The following GFRA1 variants were observed in gnomAD, a reference collection of about 807,000 sequenced individuals.
The protein encoded by GFRA1 is GDNF family receptor alpha-1.
In GFRA1, 16 loss-of-function variants were observed where a neutral mutation model predicts 51.6. The observed-to-expected ratio is 0.31, with a 90% CI of 0.21 to 0.47. The LOEUF is 0.47. Among genes scored for constraint, GFRA1 ranks in the 20% least tolerant of loss-of-function variants. GFRA1 has a pLI of 1.00. For missense variants in GFRA1, 530 were observed against 594.3 expected (o/e 0.89, Z 1.13); for synonymous variants, 270 against 241.3 (o/e 1.12, Z -1.10).
chr10:116,083,419 G>T (rs544659613), intron 9 of GFRA1, among the ~76,000 whole-genome samples: 1 of 152,298 alleles, frequency 6.6e-6, no homozygotes, highest in East Asian at 1.9e-4. Context: ...AAGATTAACG[G>T]GCCGCCAAAG....
At chr10:116,089,480 C>G (rs547533709) in intron 9 of GFRA1, among the ~76,000 whole-genome samples, 1 of 152,300 alleles carries the variant, frequency 6.6e-6, no homozygotes, top group South Asian at 2.1e-4. Flanking sequence ...CCAGAACCCT[C>G]ATTGTATAGG....
chr10:116,084,761 A>AACACACACACAC (rs5788130), intron 9 of GFRA1, among the ~76,000 whole-genome samples: 2 of 140,088 alleles, frequency 1.4e-5, no homozygotes, highest in Admixed American at 7.1e-5. Context: ...TTAAATAAGT[A>AACACACACACAC]ACACACACAC....
chr10:116,217,956 G>T (rs1025750834), intron 4 of GFRA1, among the ~76,000 whole-genome samples: 1 of 152,186 alleles, frequency 6.6e-6, no homozygotes. Flanking sequence ...AAGGAATCAT[G>T]AGAGGAAAAT....
intron 5 of GFRA1, among the ~76,000 whole-genome samples, chr10:116,209,346 T>C (rs1350798467): frequency 1.3e-5 from 2 of 152,158 alleles, no homozygotes; most frequent in Non-Finnish European, 1.5e-5. Context: ...CCTGCTTCCC[T>C]CTTCTGCCTG....
At chr10:116,065,852 AACGT>A (rs909237704) in intron 9 of GFRA1, among the ~76,000 whole-genome samples, 14 of 152,276 alleles carry the variant, frequency 9.2e-5, no homozygotes, top group Non-Finnish European at 1.6e-4. Flanking sequence ...ACCATTTCAA[AACGT>A]ACTCAATATT....
chr10:116,152,988 T>C (rs370228518), intron 5 of GFRA1, among the ~76,000 whole-genome samples: 1 of 152,292 alleles, frequency 6.6e-6, no homozygotes, highest in African/African-American at 2.4e-5. Context: ...ATAAACCTGA[T>C]CTTATTTAAT....
intron 5 of GFRA1, among the ~76,000 whole-genome samples, chr10:116,162,991 C>A (rs910854155): frequency 6.6e-6 from 1 of 152,136 alleles, no homozygotes; most frequent in Non-Finnish European, 1.5e-5. Context: ...GTCACATGTG[C>A]TCCTGACCAT....
intron 5 of GFRA1, among the ~76,000 whole-genome samples, chr10:116,167,851 A>G (rs1304942870): frequency 6.6e-6 from 1 of 152,188 alleles, no homozygotes; most frequent in Admixed American, 6.5e-5. Context: ...AATACTCATG[A>G]GAGTCAGCCT....
At position 116,166,780 on chromosome 10, in the gene GFRA1, C is replaced by CTTCTTTTT. The variant is rs1267031089; in HGVS notation, c.434-41224_434-41223insAAAAAGAA. ...TCCCTTGAAGGATAGCAACAATCTTCTTTTTTTTTTTTTTTTTTTTTTTTT... is the reference window on the plus strand; with the variant it reads ...TCCCTTGAAGGATAGCAACAATCTTCTTCTTTTTTTTTTTTTTTTTTTTTTTTTTTTTT... On this transcript the variant is annotated intron_variant, in intron 5 of 10. Transcript: ENST00000355422. Among the ~76,000 whole-genome samples the CTTCTTTTT allele has an allele frequency of 6.8e-4, 52 of 76,452 alleles. 5 individuals are homozygous for CTTCTTTTT. Among genetic ancestry groups the CTTCTTTTT allele is most frequent in the African/African-American group, 2.9e-3 (50 of 17,028 alleles). 50.2% of individuals were successfully genotyped at this position (76,452 alleles called of 152,430 possible).
At chr10:116,084,335 C>T (rs1955992027) in intron 9 of GFRA1, among the ~76,000 whole-genome samples, 1 of 152,182 alleles carries the variant, frequency 6.6e-6, no homozygotes, top group Non-Finnish European at 1.5e-5. Flanking sequence ...TTTAAAAGTC[C>T]CACCAGGATG....
chr10:116,220,434 T>G (rs1336555137), intron 4 of GFRA1, among the ~76,000 whole-genome samples: 1 of 152,340 alleles, frequency 6.6e-6, no homozygotes, highest in African/African-American at 2.4e-5. Context: ...TTTCCAAAAT[T>G]CAAACTGGAT....
rs181760120 is a variant in GFRA1, at chr10:116,261,334, C to T, written c.418+8169G>A. Among the ~76,000 whole-genome samples the T allele has an allele frequency of 2.1e-3, 315 of 152,248 alleles. 1 individual carries two copies. Among genetic ancestry groups the T allele is most frequent in the African/African-American group, 7.1e-3 (297 of 41,546 alleles). The stretch of plus-strand genomic sequence containing the variant: ...CTTTCTTATCAGTCAAATACGGGGA[C>T]GGGACTAGAACGACCTCCAAACATC... On this transcript the variant is annotated intron_variant, in intron 4 of 10. Transcript: ENST00000355422.
chr10:116,202,260 T>C (rs1020310972), intron 5 of GFRA1, among the ~76,000 whole-genome samples: 6 of 151,856 alleles, frequency 4.0e-5, no homozygotes, highest in Non-Finnish European at 7.4e-5. Flanking sequence ...ACTTGAGGGG[T>C]GGGGTGAGTC....
chr10:116,131,950 T>C (rs1455310122), intron 5 of GFRA1, among the ~76,000 whole-genome samples: 1 of 149,836 alleles, frequency 6.7e-6, no homozygotes. Context: ...CTCATGCTTG[T>C]AATCCCAGCA....
intron 5 of GFRA1, among the ~76,000 whole-genome samples, chr10:116,129,368 T>A (rs1341006632): frequency 2.0e-5 from 3 of 152,166 alleles, no homozygotes; most frequent in African/African-American, 7.2e-5. Flanking sequence ...GCAAGGTTAG[T>A]TTAATATTTA....
chr10:116,206,614 C>T (rs919255945), intron 5 of GFRA1, among the ~76,000 whole-genome samples: 2 of 139,768 alleles, frequency 1.4e-5, no homozygotes, highest in African/African-American at 2.7e-5. Context: ...CTTCTGAAAC[C>T]ACATTCTCTT....
At chr10:116,161,044 T>G (rs928428437) in intron 5 of GFRA1, among the ~76,000 whole-genome samples, 4 of 152,180 alleles carry the variant, frequency 2.6e-5, no homozygotes, top group African/African-American at 9.7e-5. Context: ...GCTTTCAACC[T>G]GGAGGAGGAG....
At chr10:116,159,869 C>CT (rs1230738437) in intron 5 of GFRA1, among the ~76,000 whole-genome samples, 19 of 152,322 alleles carry the variant, frequency 1.2e-4, no homozygotes, top group African/African-American at 4.3e-4. Flanking sequence ...TGAAGACCAC[C>CT]TATCACTCCA....
Position 116,063,199 on chromosome 10 carries a change from A to G in GFRA1, c.*1199T>C, listed in dbSNP as rs1484984795. On this transcript the variant is annotated 3_prime_UTR_variant, in exon 11 of 11. Transcript: ENST00000355422. ...GATAACCTGAAAACCAAGGTACTGG[A>G]TTGTGTCATGACAAGTGTGTCAAGA... 6.6e-6 allele frequency: 1 copy of G among 152,218 alleles called. No individual in the cohort carries two copies. The highest frequency in any genetic ancestry group is 2.4e-5 in the African/African-American group (1 of 41,450). The allele number at this position is 152,218 out of a possible 1,614,324, so 9.4% of individuals were successfully genotyped here. A position where few individuals can be genotyped will look rare whatever the true frequency, so the allele number is the denominator to read the frequency against.
Sources: gnomAD v4.1 joint callset for allele counts (sites outside exome capture counted in the v4.1 genomes callset) on GRCh38, gnomAD v4.1.1 for gene constraint, MANE v1.5 for transcripts, NCBI Gene and HGNC (gene_info 2026-07-23, HGNC 2026-07-21) for gene names.